Variants in NUMBL observed in about 807,000 individuals in gnomAD.
The protein encoded by NUMBL is NUMB like endocytic adaptor protein.
In NUMBL, 20 loss-of-function variants were observed where a neutral mutation model predicts 48.9. The observed-to-expected ratio is 0.41, with a 90% CI of 0.29 to 0.59. The LOEUF is 0.59. NUMBL is among the 20% of genes least tolerant of loss of function. The pLI, the probability that NUMBL is intolerant of heterozygous loss-of-function variation, is 0.31. For missense variants in NUMBL, 660 were observed against 846.2 expected, an observed-to-expected ratio of 0.78 and a Z score of 2.73; for synonymous variants, 340 against 348.7, an observed-to-expected ratio of 0.98 and a Z score of 0.28.
rs1427993566 is a variant in NUMBL, at chr19:40,668,106, G to A, written c.1192C>T (p.Pro398Ser). ...TGCCCAGGCTGGAAGGCAGCTGCAG[G>A]GGGCACGGAGGGCTCACCCCAGGCA... ...TSAWGEPSVP[P>S]AAAFQPGHKR... is the part of the protein sequence containing the mutation. Residue 398 changes from proline (P) to serine (S), a missense_variant, in exon 10 of 10, where the codon CCT becomes TCT. Coordinates refer to ENST00000252891, the MANE Select transcript of NUMBL (RefSeq NM_004756.5). 6.2e-7 allele frequency: 1 copy of A among 1,602,764 alleles called. No individual in the cohort carries two copies. The highest frequency in any genetic ancestry group is 1.3e-5 in the African/African-American group (1 of 74,734).
intron 6 of NUMBL, 77 bp downstream of exon 6, chr19:40,680,840 T>C (rs2081901383): frequency 6.6e-7 from 1 of 1,514,722 alleles, no homozygotes; most frequent in Non-Finnish European, 9.1e-7. Context: ...TGTGCCTGAA[T>C]GCAGGAAGCT....
rs1419752929 is a variant in NUMBL, at chr19:40,677,378, C to G, written c.584G>C (p.Cys195Ser). ...SHAVGCAFAA[C>S]LERKQRREKE... is the part of the protein sequence containing the mutation. ...CTCCCGTCGCTGTTTTCGCTCCAGG[C>G]AGGCGGCAAAAGCACAGCCCACAGC... Residue 195 changes from cysteine to serine, a missense_variant, in exon 7 of 10, where the codon TGC becomes TCC. Physicochemically the swap from Cys to Ser is moderately radical, Grantham distance 112 (BLOSUM62 -1). Around this residue, in one of 3 missense-constraint regions of NUMBL, gnomAD observed 278 missense variants for 420.6 expected, o/e 0.66. Coordinates refer to ENST00000252891, the MANE Select transcript of NUMBL (RefSeq NM_004756.5). 1.2e-6 allele frequency: 2 copies of G among 1,611,570 alleles called. No homozygotes were observed. The highest frequency in any genetic ancestry group is 1.7e-6 in the Non-Finnish European group (2 of 1,179,938).
At chr19:40,676,141 A>G (rs1326022256) in intron 7 of NUMBL, among the ~76,000 whole-genome samples, 1 of 152,154 alleles carries the variant, frequency 6.6e-6, no homozygotes. Flanking sequence ...CTATAATACC[A>G]GTGCTTTGGG....
At chr19:40,674,516 G>T (rs570346054) in intron 7 of NUMBL, among the ~76,000 whole-genome samples, 4 of 152,088 alleles carry the variant, frequency 2.6e-5, no homozygotes, top group African/African-American at 9.7e-5. Flanking sequence ...CCTCCTACCA[G>T]GGCCTCCCCG....
At position 40,690,518 on chromosome 19, in the gene NUMBL, G is replaced by A; in HGVS notation, c.-35C>T. On this transcript the variant is annotated 5_prime_UTR_variant, in exon 1 of 10. Transcript: ENST00000252891. Reference sequence around the variant, plus strand: ...GGGCGCCCCCGCCTCCCGCGGCCCTGGCTGGGCCTGGCTCCCCGACTGCTG... The same window carrying A: ...GGGCGCCCCCGCCTCCCGCGGCCCTAGCTGGGCCTGGCTCCCCGACTGCTG... The A allele has an allele frequency of 8.2e-7, 1 of 1,225,856 alleles. No homozygotes were observed. The highest frequency in any genetic ancestry group is 1.0e-6 in the Non-Finnish European group (1 of 978,464). 75.9% of individuals were successfully genotyped at this position (1,225,856 alleles called of 1,614,324 possible).
chr19:40,669,768 C>T, intron 9 of NUMBL, 130 bp downstream of exon 9: 3 of 1,201,380 alleles, frequency 2.5e-6, no homozygotes, highest in Non-Finnish European at 3.4e-6. Context: ...GATCCCCTGG[C>T]TCTGAGGTGA....
At chr19:40,685,298 G>C (rs1053671038) in intron 2 of NUMBL, 2 of 125,460 alleles carry the variant, frequency 1.6e-5, no homozygotes, top group African/African-American at 8.0e-5. Flanking sequence ...AACAGCAGAG[G>C]GGGATGTGTG....
intron 3 of NUMBL, 115 bp from the exon 4 acceptor site, chr19:40,683,083 T>A (rs1368438318): frequency 2.2e-6 from 2 of 906,486 alleles, no homozygotes; most frequent in Non-Finnish European, 3.6e-6. Flanking sequence ...ATGATGTGTA[T>A]GCAATCATTT....
Position 40,682,655 on chromosome 19 carries a change from A to G in NUMBL, c.399+73T>C, listed in dbSNP as rs2081910588. On this transcript the variant is annotated intron_variant, in intron 5 of 9. Coordinates refer to ENST00000252891, the MANE Select transcript of NUMBL (RefSeq NM_004756.5). This position sits in a 1 kb window ranked among gnomAD's most constrained non-coding sequence, Gnocchi z 4.0. The stretch of plus-strand genomic sequence containing the variant: ...GGAGGGATGTGCAGAGGAGGCGGGA[A>G]GGTGTCCTCCGCCCTGATTCCAGCA... The G allele has an allele frequency of 1.4e-6, 2 of 1,410,652 alleles. No individual in the cohort carries two copies. The highest frequency in any genetic ancestry group is 2.0e-6 in the Non-Finnish European group (2 of 1,010,170). The allele number at this position is 1,410,652 out of a possible 1,614,324, so 87.4% of individuals were successfully genotyped here.
At chr19:40,669,720 T>C (rs570311985) in intron 9 of NUMBL, among the ~76,000 whole-genome samples, 178 bp downstream of exon 9, 12 of 152,198 alleles carry the variant, frequency 7.9e-5, no homozygotes, top group Admixed American at 2.6e-4. Context: ...GATTCTCAGG[T>C]AATCCCATGG....
intron 6 of NUMBL, among the ~76,000 whole-genome samples, chr19:40,677,978 C>T (rs1460749241): frequency 2.0e-5 from 3 of 152,048 alleles, no homozygotes; most frequent in African/African-American, 4.8e-5. Flanking sequence ...ATGCAGTTGT[C>T]GAAATTCGTT....
chr19:40,683,700 C>T (rs1352409444), intron 3 of NUMBL, among the ~76,000 whole-genome samples: 11 of 152,188 alleles, frequency 7.2e-5, no homozygotes, highest in African/African-American at 2.4e-4. Flanking sequence ...ACGTCCTTAT[C>T]GGTAGAGCGC....
chr19:40,676,845 CA>C (rs2081878741), intron 7 of NUMBL, among the ~76,000 whole-genome samples: 1 of 151,998 alleles, frequency 6.6e-6, no homozygotes, highest in South Asian at 2.1e-4. Context: ...GACAGAGTCT[CA>C]CTCTATTGCC....
intron 6 of NUMBL, among the ~76,000 whole-genome samples, chr19:40,678,743 C>G (rs367568871): frequency 6.6e-6 from 1 of 152,148 alleles, no homozygotes; most frequent in Admixed American, 6.6e-5. Context: ...GAAACAAATA[C>G]GAATTCTACT....
intron 5 of NUMBL, among the ~76,000 whole-genome samples, 181 bp from the exon 6 acceptor site, chr19:40,681,238 C>T (rs985610023): frequency 2.6e-5 from 4 of 152,076 alleles, no homozygotes; most frequent in African/African-American, 7.2e-5. Context: ...AGACCCATCA[C>T]GAGATGGGCA....
Position 40,690,449 on chromosome 19 carries a change from G to T in NUMBL, c.24+11C>A. On this transcript the variant is annotated intron_variant, in intron 1 of 9. Coordinates refer to ENST00000252891, the MANE Select transcript of NUMBL (RefSeq NM_004756.5). ...CCCCCGACCCGAGCCCCCCTCTCCC[G>T]CCCTTCTCACGCTGGCCGCCGCGCT... is the stretch of plus-strand genomic sequence containing the variant. 7.8e-7 allele frequency: 1 copy of T among 1,284,968 alleles called. No homozygotes were observed. Among genetic ancestry groups the T allele is most frequent in the Non-Finnish European group, 9.9e-7 (1 of 1,008,318 alleles). 79.6% of individuals were successfully genotyped at this position (1,284,968 alleles called of 1,614,324 possible). A position where few individuals can be genotyped will look rare whatever the true frequency, so the allele number is the denominator to read the frequency against.
rs1013835680 is a variant in NUMBL, at chr19:40,687,806, A to G, written c.25-811T>C. On this transcript the variant is annotated intron_variant, in intron 1 of 9. Transcript: ENST00000252891. The surrounding 1 kb of genome is among the most constrained non-coding windows in gnomAD (Gnocchi z 4.6). The stretch of plus-strand genomic sequence containing the variant: ...TTGTTACACGTATCTCCACTGCTGC[A>G]CACTGACATCTGGTCACAGATGCAC... Among the ~76,000 whole-genome samples the G allele has an allele frequency of 3.3e-5, 5 of 152,228 alleles. No individual in the cohort carries two copies. The highest frequency in any genetic ancestry group is 1.2e-4 in the African/African-American group (5 of 41,452).
rs1433755300 is a variant in NUMBL, at chr19:40,667,811, C to A, written c.1487G>T (p.Gly496Val). 2.5e-6 allele frequency: 4 copies of A among 1,584,882 alleles called. No individual in the cohort carries two copies. The highest frequency in any genetic ancestry group is 3.4e-6 in the Non-Finnish European group (4 of 1,166,034). ...MQPPFVPAYP[G>V]LGYPPMPRVP... ...CCGGGGCATCGGTGGGTAGCCCAAG[C>A]CCGGGTAGGCGGGCACAAAAGGGGG... The change falls in exon 10 of 10, where the codon GGC becomes GTC. Residue 496 changes from glycine to valine, a missense_variant. Physicochemically the swap from Gly to Val is moderately radical, Grantham distance 109. Transcript: ENST00000252891. The surrounding 1 kb of genome is among the most constrained non-coding windows in gnomAD (Gnocchi z 6.1).
intron 6 of NUMBL, among the ~76,000 whole-genome samples, chr19:40,679,365 G>A (rs966816783): frequency 1.3e-5 from 2 of 152,134 alleles, no homozygotes; most frequent in African/African-American, 4.8e-5. Context: ...AGAGAGAGAC[G>A]CTGTGTCATT....
Sources: gnomAD v4.1 joint callset for allele counts (sites outside exome capture counted in the v4.1 genomes callset) on GRCh38, gnomAD v4.1.1 for gene constraint, gnomAD v4.1.1 regional missense constraint, Gnocchi (gnomAD v3.1) non-coding constraint, MANE v1.5 for transcripts, NCBI Gene and HGNC (gene_info 2026-07-23, HGNC 2026-07-21) for gene names.